The following UTRN variants were observed in gnomAD, a reference collection of about 807,000 sequenced individuals.
UTRN encodes dystrophin-related protein 1.
In UTRN, 283 loss-of-function variants were observed where a neutral mutation model predicts 463.9. The ratio of observed to expected loss-of-function variants is 0.61; its 90% confidence interval spans 0.55 to 0.67. The LOEUF is 0.67. Ranked by LOEUF, UTRN falls within the 30% of genes least tolerant of loss-of-function variation. The probability of loss-of-function intolerance (pLI) is 0.00; values close to 1 mark genes in which losing one functional copy is unlikely to be tolerated. For synonymous variants in UTRN, 1,442 were observed against 1,431.5 expected (o/e 1.01, Z -0.17); for missense variants, 3,922 against 4,084.3 (o/e 0.96, Z 1.08).
intron 37 of UTRN, among the ~76,000 whole-genome samples, chr6:144,515,654 C>G (rs1337064550): frequency 6.6e-6 from 1 of 152,156 alleles, no homozygotes; most frequent in Non-Finnish European, 1.5e-5. Flanking sequence ...CCACACTTAG[C>G]CAACCCCAGA....
At chr6:144,504,145 CTG>C (rs1794483893) in intron 34 of UTRN, among the ~76,000 whole-genome samples, 1 of 152,096 alleles carries the variant, frequency 6.6e-6, no homozygotes, top group African/African-American at 2.4e-5. Flanking sequence ...TGGGCTGAGA[CTG>C]TGGGGTTTTC....
At chr6:144,347,955 C>T (rs1230504446) in intron 2 of UTRN, among the ~76,000 whole-genome samples, 4 of 151,642 alleles carry the variant, frequency 2.6e-5, no homozygotes, top group African/African-American at 9.7e-5. Flanking sequence ...GTGATCCTCC[C>T]ACCTCAGTCT....
At chr6:144,461,018 TG>T (rs1789350977) in intron 21 of UTRN, among the ~76,000 whole-genome samples, 178 bp from the exon 22 acceptor site, 1 of 152,238 alleles carries the variant, frequency 6.6e-6, no homozygotes, top group South Asian at 2.1e-4. Flanking sequence ...ATGAAGTCAC[TG>T]TCTGACTCTC....
At chr6:144,505,560 G>C (rs949789066) in intron 34 of UTRN, among the ~76,000 whole-genome samples, 2 of 152,180 alleles carry the variant, frequency 1.3e-5, no homozygotes, top group Non-Finnish European at 2.9e-5. Flanking sequence ...TAGTTGTGCG[G>C]TTTTGAGTGC....
At chr6:144,364,214 A>T (rs922746051) in intron 2 of UTRN, among the ~76,000 whole-genome samples, 1 of 152,150 alleles carries the variant, frequency 6.6e-6, no homozygotes, top group African/African-American at 2.4e-5. Context: ...TTTTCGGTGT[A>T]ACTGTGATGG....
At chr6:144,374,419 A>C (rs1421679449) in intron 2 of UTRN, among the ~76,000 whole-genome samples, 1 of 151,900 alleles carries the variant, frequency 6.6e-6, no homozygotes, top group African/African-American at 2.4e-5. Context: ...AGGCGGGCGG[A>C]TAACTTGAGG....
intron 2 of UTRN, among the ~76,000 whole-genome samples, chr6:144,339,637 G>T (rs1261133650): frequency 6.6e-6 from 1 of 152,094 alleles, no homozygotes; most frequent in Non-Finnish European, 1.5e-5. Flanking sequence ...AGAGGTGTTT[G>T]TCATATCAGG....
At chr6:144,467,862 T>C (rs1401015493) in intron 23 of UTRN, among the ~76,000 whole-genome samples, 1 of 152,144 alleles carries the variant, frequency 6.6e-6, no homozygotes, top group African/African-American at 2.4e-5. Flanking sequence ...AAGAACCTTA[T>C]TAGTTTTTAA....
intron 8 of UTRN, 36 bp downstream of exon 8, chr6:144,428,929 C>G: frequency 7.0e-7 from 1 of 1,426,516 alleles, no homozygotes; most frequent in Non-Finnish European, 9.6e-7. Flanking sequence ...CTTGATTTTG[C>G]TTTACAGTTT....
intron 21 of UTRN, among the ~76,000 whole-genome samples, chr6:144,460,097 T>G (rs990815132): frequency 6.6e-6 from 1 of 151,558 alleles, no homozygotes; most frequent in Admixed American, 6.6e-5. Flanking sequence ...AAATGAATGA[T>G]CCCTTACTTC....
chr6:144,807,681 C>G (rs1336780925), intron 65 of UTRN, among the ~76,000 whole-genome samples: 1 of 152,106 alleles, frequency 6.6e-6, no homozygotes, highest in Non-Finnish European at 1.5e-5. Flanking sequence ...CAGTTTTACC[C>G]TCATCAAAGC....
At chr6:144,517,096 A>C in intron 39 of UTRN, 148 bp downstream of exon 39, 1 of 644,054 alleles carries the variant, frequency 1.6e-6, no homozygotes. Context: ...AGATGTGTTC[A>C]TATTTTTGGA....
At chr6:144,499,216 C>T (rs1490014305) in intron 33 of UTRN, 41 bp from the exon 34 acceptor site, 2 of 1,568,570 alleles carry the variant, frequency 1.3e-6, no homozygotes, top group East Asian at 2.3e-5. Flanking sequence ...ATGTTCATTC[C>T]CATCTCAGTC....
intron 65 of UTRN, among the ~76,000 whole-genome samples, chr6:144,803,601 G>A (rs1201005779): frequency 6.6e-6 from 1 of 151,722 alleles, no homozygotes; most frequent in African/African-American, 2.4e-5. Context: ...TTATATTTAT[G>A]TATCTTTTTC....
intron 27 of UTRN, 108 bp from the exon 28 acceptor site, chr6:144,485,277 T>TA (rs1400804258): frequency 3.1e-5 from 45 of 1,472,504 alleles, no homozygotes; most frequent in Non-Finnish European, 4.1e-5. Flanking sequence ...AATTCCTAGG[T>TA]ATACTCACAT....
At chr6:144,682,416 CT>C (rs1782292234) in intron 52 of UTRN, among the ~76,000 whole-genome samples, 1 of 152,166 alleles carries the variant, frequency 6.6e-6, no homozygotes, top group Admixed American at 6.5e-5. Context: ...CAAATCTTGG[CT>C]ATTGTGAACA....
At chr6:144,497,945 A>T (rs1448754069) in intron 33 of UTRN, among the ~76,000 whole-genome samples, 1 of 152,250 alleles carries the variant, frequency 6.6e-6, no homozygotes, top group Non-Finnish European at 1.5e-5. Context: ...TAAGAATTAC[A>T]TCATTTAGTA....
intron 2 of UTRN, among the ~76,000 whole-genome samples, chr6:144,394,915 A>G (rs900686846): frequency 1.4e-3 from 217 of 152,258 alleles, no homozygotes; most frequent in Non-Finnish European, 2.8e-4. Context: ...GACAAGTAGA[A>G]CTTGTCATGA....
At chr6:144,472,950 A>G (rs138687230) in intron 23 of UTRN, among the ~76,000 whole-genome samples, 1 of 151,888 alleles carries the variant, frequency 6.6e-6, no homozygotes, top group Non-Finnish European at 1.5e-5. Context: ...TGTATTTTTA[A>G]TAGAGACGGG....
Sources: allele counts gnomAD v4.1 joint callset (sites outside exome capture counted in the v4.1 genomes callset), GRCh38; gene constraint gnomAD v4.1.1; transcripts MANE v1.5; gene names NCBI Gene and HGNC (gene_info 2026-07-23, HGNC 2026-07-21).